MPPED2: variants seen among roughly 807,000 people sequenced by gnomAD.
The protein encoded by MPPED2 is metallophosphoesterase MPPED2.
Under a neutral mutation model 33.0 loss-of-function variants are expected in MPPED2, and 5 were observed. The observed-to-expected ratio is 0.15, with a 90% CI of 0.08 to 0.32. MPPED2 has a LOEUF of 0.32. MPPED2 is among the 10% of genes least tolerant of loss of function. The pLI is 1.00. For missense variants in MPPED2, 275 were observed against 372.1 expected (o/e 0.74, Z 2.15); for synonymous variants, 136 against 141.9 (o/e 0.96, Z 0.29).
chr11:30,387,816 A>C (rs1947721104), exon 7 of MPPED2: 1 of 152,326 alleles, frequency 6.6e-6, no homozygotes, highest in African/African-American at 2.4e-5. Flanking sequence ...ACACTGTGAC[A>C]GTGACAGCCC....
At chr11:30,534,389 C>G (rs375135022) in intron 3 of MPPED2, among the ~76,000 whole-genome samples, 1 of 151,962 alleles carries the variant, frequency 6.6e-6, no homozygotes, top group Non-Finnish European at 1.5e-5. Context: ...AAGACATAAG[C>G]GAAAAGATCT....
rs1215791914 is a variant in MPPED2, at chr11:30,386,670, TGAACAGAAC to T, written c.*2210_*2218del. ...AGAATTTGGATCCCAAATAAATGAA[TGAACAGAAC>T]TCAAATCAGATGAACTTCAGTAACT... On this transcript the variant is annotated 3_prime_UTR_variant, in exon 7 of 7. Coordinates refer to the MPPED2 transcript ENST00000448418. 4.8e-5 allele frequency: 19 copies of T among 398,536 alleles called. No homozygotes were observed. In the East Asian group the frequency reaches 6.8e-4, roughly 14 times the overall value. The allele number at this position is 398,536 out of a possible 1,614,324, so 24.7% of individuals were successfully genotyped here.
intron 4 of MPPED2, among the ~76,000 whole-genome samples, chr11:30,428,143 G>A (rs1448025040): frequency 2.0e-5 from 3 of 152,078 alleles, no homozygotes; most frequent in Admixed American, 1.3e-4. Context: ...CTTCAGCAAA[G>A]GAAGTCTTAA....
At chr11:30,474,297 C>G (rs1337991110) in intron 4 of MPPED2, among the ~76,000 whole-genome samples, 1 of 152,142 alleles carries the variant, frequency 6.6e-6, no homozygotes, top group African/African-American at 2.4e-5. Flanking sequence ...CAACTAGGAC[C>G]AGGAACTTAA....
intron 4 of MPPED2, among the ~76,000 whole-genome samples, chr11:30,458,304 A>G (rs1950367097): frequency 6.6e-6 from 1 of 152,248 alleles, no homozygotes; most frequent in Non-Finnish European, 1.5e-5. Flanking sequence ...TTAAGTACGA[A>G]GAAAGTGAAA....
chr11:30,497,937 G>T lies in MPPED2; in HGVS notation c.311-2416C>A, dbSNP rs116703173. Among the ~76,000 whole-genome samples the T allele has an allele frequency of 7.9e-3, 1,195 of 152,204 alleles. 21 individuals are homozygous for T. The highest frequency in any genetic ancestry group is 0.025 in the African/African-American group (1,053 of 41,540). ...TTCTATCCTCTGTTACCGATGTTATGAGATTGTCTGACATATTTTCTTTTT... is the reference window on the plus strand; with the variant it reads ...TTCTATCCTCTGTTACCGATGTTATTAGATTGTCTGACATATTTTCTTTTT... On this transcript the variant is annotated intron_variant, in intron 3 of 6. Coordinates refer to ENST00000358117, the MANE Select transcript of MPPED2 (RefSeq NM_001584.3).
At chr11:30,531,483 A>C (rs1313697107) in intron 3 of MPPED2, among the ~76,000 whole-genome samples, 2 of 152,226 alleles carry the variant, frequency 1.3e-5, no homozygotes, top group Non-Finnish European at 2.9e-5. Flanking sequence ...AAAGGGGCCA[A>C]TGCGGTGGTA....
chr11:30,516,943 G>C (rs976169161), intron 3 of MPPED2, among the ~76,000 whole-genome samples: 1 of 152,178 alleles, frequency 6.6e-6, no homozygotes, highest in African/African-American at 2.4e-5. Flanking sequence ...TGTGGAAAGA[G>C]ACCCTGTATG....
chr11:30,479,390 T>A (rs958081620), intron 4 of MPPED2, among the ~76,000 whole-genome samples: 2 of 152,072 alleles, frequency 1.3e-5, no homozygotes, highest in Admixed American at 1.3e-4. Flanking sequence ...TCATATCAAA[T>A]ATACAGTAAA....
intron 3 of MPPED2, among the ~76,000 whole-genome samples, chr11:30,513,793 G>A (rs1190826855): frequency 4.6e-5 from 7 of 151,952 alleles, no homozygotes; most frequent in Non-Finnish European, 8.8e-5. Flanking sequence ...AGAGAACAAG[G>A]AACATAAAAA....
chr11:30,451,803 T>A, intron 4 of MPPED2: 3 of 985,434 alleles, frequency 3.0e-6, no homozygotes, highest in Non-Finnish European at 3.6e-6. Context: ...TGCGAATGAC[T>A]GCAGATTAAT....
intron 4 of MPPED2, among the ~76,000 whole-genome samples, chr11:30,494,156 T>C (rs1392774107): frequency 6.6e-6 from 1 of 152,204 alleles, no homozygotes; most frequent in Non-Finnish European, 1.5e-5. Context: ...AAATCTATAT[T>C]TCTACAGAGA....
At chr11:30,426,638 T>C (rs1000959998) in intron 4 of MPPED2, among the ~76,000 whole-genome samples, 2 of 152,204 alleles carry the variant, frequency 1.3e-5, no homozygotes, top group African/African-American at 4.8e-5. Context: ...TGAAATTGAA[T>C]ACAGTTTCCA....
chr11:30,529,501 CTT>C (rs1954392993), intron 3 of MPPED2, among the ~76,000 whole-genome samples: 1 of 151,220 alleles, frequency 6.6e-6, no homozygotes, highest in South Asian at 2.1e-4. Flanking sequence ...AACTGTAAGA[CTT>C]ATATTTTGGC....
intron 4 of MPPED2, among the ~76,000 whole-genome samples, chr11:30,467,132 A>G (rs1950743089): frequency 6.6e-6 from 1 of 152,106 alleles, no homozygotes; most frequent in African/African-American, 2.4e-5. Context: ...GAAGTTGCAA[A>G]AACACCCCAC....
rs866719356 is a variant in MPPED2, at chr11:30,530,163, G to A, written c.310+5831C>T. Among the ~76,000 whole-genome samples, 8 of 152,204 alleles carry A rather than the reference G, an allele frequency of 5.3e-5. No homozygotes were observed. The South Asian group carries it at 1.7e-3, about 32-fold the overall frequency. The stretch of plus-strand genomic sequence containing the variant: ...GCAACAATATACCCTTCTTATTTCT[G>A]CACAGTATATAGGAATCAACAACAA... On this transcript the variant is annotated intron_variant, in intron 3 of 6. Coordinates refer to ENST00000358117, the MANE Select transcript of MPPED2 (RefSeq NM_001584.3).
At chr11:30,578,600 T>C (rs796272762) in intron 2 of MPPED2, among the ~76,000 whole-genome samples, 27 of 152,310 alleles carry the variant, frequency 1.8e-4, no homozygotes, top group Admixed American at 5.2e-4. Flanking sequence ...ACTTGAGAAC[T>C]AAGCTGAGGT....
At chr11:30,388,225 T>TTGGTGGCGACGCTCCATTGAAATA (rs1565027884) in exon 7 of MPPED2, 1 of 152,278 alleles carries the variant, frequency 6.6e-6, no homozygotes, top group Non-Finnish European at 1.5e-5. Context: ...ATAATAAGCT[T>TTGGTGGCGACGCTCCATTGAAATA]TGGTGGCGAC....
At chr11:30,513,145 A>T (rs1359162928) in intron 3 of MPPED2, among the ~76,000 whole-genome samples, 1 of 152,156 alleles carries the variant, frequency 6.6e-6, no homozygotes, top group Non-Finnish European at 1.5e-5. Flanking sequence ...GAGAGACAAG[A>T]TCTCAGTGAC....
Sources: allele counts gnomAD v4.1 joint callset (sites outside exome capture counted in the v4.1 genomes callset), GRCh38; gene constraint gnomAD v4.1.1; transcripts MANE v1.5; gene names NCBI Gene and HGNC (gene_info 2026-07-23, HGNC 2026-07-21).